CASP10: variants seen among roughly 807,000 people sequenced by gnomAD.
CASP10 encodes caspase-10.
A neutral mutation model predicts 48.5 loss-of-function variants in CASP10; 41 were observed. The ratio of observed to expected loss-of-function variants is 0.85; its 90% CI spans 0.66 to 1.10. The LOEUF (loss-of-function observed/expected upper bound fraction) is 1.10, where lower values mean the gene tolerates loss of function less well. Among genes scored for constraint, CASP10 ranks in the 50% least tolerant of loss-of-function variants. The pLI is 0.00. For missense variants in CASP10, 614 were observed against 614.5 expected (o/e 1.00, Z 0.01); for synonymous variants, 232 against 238.4 (o/e 0.97, Z 0.25).
At chr2:201,225,115 G>T (rs962201558), downstream of CASP10, among the ~76,000 whole-genome samples, 3 of 152,010 alleles carry the variant, frequency 2.0e-5, no homozygotes, top group Non-Finnish European at 2.9e-5. Flanking sequence ...CTTCTTCTAG[G>T]ACCTTCCCTT....
At chr2:201,229,016 C>A in exon 10 of CASP10, 1 of 1,614,208 alleles carries the variant, frequency 6.2e-7, no homozygotes, top group South Asian at 1.1e-5. Flanking sequence ...TCAGCAACCT[C>A]CCTGCCCACG....
chr2:201,221,945 G>A (rs780054488), downstream of CASP10, among the ~76,000 whole-genome samples: 2 of 152,278 alleles, frequency 1.3e-5, no homozygotes, highest in Non-Finnish European at 1.5e-5. Flanking sequence ...TCCGTAGGAG[G>A]GGTACACAGT....
At chr2:201,204,952 A>G (rs967691244) in intron 6 of CASP10, among the ~76,000 whole-genome samples, 3 of 152,200 alleles carry the variant, frequency 2.0e-5, no homozygotes, top group Non-Finnish European at 4.4e-5. Context: ...ACTGACCCTT[A>G]GCAGTAGTTA....
rs746473164 is a variant in CASP10, at chr2:201,208,029, C to A, written c.814-46C>A. ...AGTGGTTGGTTAGAAACATTTAAGG[C>A]CCTAAGATAAGGATTCCTACTAAGT... On this transcript the variant is annotated intron_variant, in intron 7 of 9. Coordinates refer to ENST00000286186, the MANE Select transcript of CASP10 (RefSeq NM_032977.4). 9 of 1,356,372 alleles carry A rather than the reference C, an allele frequency of 6.6e-6. No individual in the cohort carries two copies. In the East Asian group the frequency reaches 1.8e-4, roughly 28 times the overall value. 84.0% of individuals were successfully genotyped at this position (1,356,372 alleles called of 1,614,324 possible). A position where few individuals can be genotyped will look rare whatever the true frequency, so the allele number is the denominator to read the frequency against.
At chr2:201,212,343 T>C (rs896567089) in intron 9 of CASP10, 4 of 152,176 alleles carry the variant, frequency 2.6e-5, no homozygotes, top group African/African-American at 9.7e-5. Flanking sequence ...ACTATAGTGC[T>C]AGAGTGAAGT....
At chr2:201,187,951 AGAT>A (rs1362820299) in intron 3 of CASP10, 152 bp downstream of exon 3, 2 of 697,600 alleles carry the variant, frequency 2.9e-6, no homozygotes, top group Non-Finnish European at 5.2e-6. Flanking sequence ...GGATGAGCCT[AGAT>A]TCTGGTCCTG....
Position 201,193,117 on chromosome 2 carries a change from A to C in CASP10, c.575A>C (p.Lys192Thr). ...AACATAGAGAAATACAAAAGAGAGA[A>C]AGGTAAGTAGCTTGTGATTGCTAAC... is the stretch of plus-strand genomic sequence containing the variant. ...LRNIEKYKREKAIQIVTPPVD... is the reference protein window; with the variant it reads ...LRNIEKYKRETAIQIVTPPVD... Residue 192 changes from lysine to threonine, a missense_variant and splice_region_variant, in exon 4 of 10, where the codon AAA becomes ACA. Coordinates refer to ENST00000286186, the MANE Select transcript of CASP10 (RefSeq NM_032977.4). The C allele has an allele frequency of 6.2e-7, 1 of 1,613,428 alleles. No homozygotes were observed. The highest frequency in any genetic ancestry group is 1.1e-5 in the South Asian group (1 of 91,050).
chr2:201,208,415 C>T, intron 8 of CASP10: 1 of 980,748 alleles, frequency 1.0e-6, no homozygotes, highest in South Asian at 4.7e-5. Flanking sequence ...GGAGAGCCTG[C>T]TGGATTGGCA....
chr2:201,184,539 G>T (rs1449220536), intron 1 of CASP10, among the ~76,000 whole-genome samples: 2 of 152,156 alleles, frequency 1.3e-5, no homozygotes, highest in Non-Finnish European at 2.9e-5. Flanking sequence ...GCCCAGTCTG[G>T]TCTTGAACTC....
chr2:201,214,372 A>G (rs1431368191), intron 9 of CASP10: 1 of 152,108 alleles, frequency 6.6e-6, no homozygotes, highest in Non-Finnish European at 1.5e-5. Context: ...ATTAATATGG[A>G]AATACAGGGT....
chr2:201,209,264 C>A lies in CASP10; in HGVS notation c.1117C>A (p.Pro373Thr). The A allele has an allele frequency of 6.2e-7, 1 of 1,614,172 alleles. No homozygotes were observed. The highest frequency in any genetic ancestry group is 8.5e-7 in the Non-Finnish European group (1 of 1,180,038). Residue 373 changes from proline to threonine, a missense_variant, in exon 9 of 10, where the codon CCC becomes ACC. Physicochemically the swap from Pro to Thr is conservative, Grantham distance 38. Transcript: ENST00000286186. ...CTACTCTTCGGATGAGGCCCTCATT[C>A]CCATTCGGGAGATCATGTCTCACTT... The part of the protein sequence containing the change: ...AVYSSDEALI[P>T]IREIMSHFTA...
At chr2:201,191,639 G>A (rs760649469) in intron 3 of CASP10, among the ~76,000 whole-genome samples, 5 of 152,174 alleles carry the variant, frequency 3.3e-5, no homozygotes, top group Non-Finnish European at 5.9e-5. Context: ...TTGGAAAAGG[G>A]CCTGAACACC....
chr2:201,208,979 T>C, intron 8 of CASP10, 91 bp from the exon 9 acceptor site: 1 of 1,426,262 alleles, frequency 7.0e-7, no homozygotes, highest in African/African-American at 1.4e-5. Context: ...TGCCCGGCCT[T>C]GTTTCAGTTC....
At chr2:201,185,627 C>T (rs577555208) in intron 1 of CASP10, 144 bp from the exon 2 acceptor site, 26 of 661,138 alleles carry the variant, frequency 3.9e-5, no homozygotes, top group East Asian at 3.7e-4. Flanking sequence ...GAAGTAGCCT[C>T]GCCGTAATTT....
At chr2:201,194,087 T>TTGTGTGTGTGTGTGTG (rs139975621) in intron 4 of CASP10, among the ~76,000 whole-genome samples, 2 of 148,364 alleles carry the variant, frequency 1.3e-5, no homozygotes, top group Non-Finnish European at 3.0e-5. Context: ...CTTTATTTTC[T>TTGTGTGTGTGTGTGTG]TGTGTGTGTG....
intron 9 of CASP10, among the ~76,000 whole-genome samples, chr2:201,228,276 A>C (rs2126070079): frequency 6.6e-6 from 1 of 152,316 alleles, no homozygotes; most frequent in Admixed American, 6.5e-5. Flanking sequence ...TGGAGGTTGC[A>C]GTAAGCTGAG....
Position 201,193,094 on chromosome 2 carries a change from CAT to C in CASP10, c.554_555del (p.Ile185ArgfsTer36). 2 of 1,613,782 alleles carry C rather than the reference CAT, an allele frequency of 1.2e-6. No individual in the cohort carries two copies. Among genetic ancestry groups the C allele is most frequent in the East Asian group, 2.2e-5 (1 of 44,862 alleles). On this transcript the variant is annotated frameshift_variant, in exon 4 of 10. Transcript: ENST00000286186. LOFTEE classifies it high-confidence loss of function. ...KTVVPKLLRN[I>X]EKYKREKAIQ... ...CAGTTGTACCTAAACTTTTGAGAAA[CAT>C]AGAGAAATACAAAAGAGAGAAAGGT...
In CASP10 at chr2:201,220,307, C is replaced by A; in HGVS notation, c.*2566C>A. ...AGAAGAGAGTAAAATACAGATAAGA[C>A]AGCTCTGGCATAGAGGGAGGTGGGG... On this transcript the variant is annotated 3_prime_UTR_variant, in exon 10 of 10. Transcript: ENST00000286186. 8.6e-6 allele frequency: 2 copies of A among 232,990 alleles called. No individual in the cohort carries two copies. Among genetic ancestry groups the A allele is most frequent in the Non-Finnish European group, 1.4e-5 (2 of 145,920 alleles). The allele number at this position is 232,990 out of a possible 1,614,324, so 14.4% of individuals were successfully genotyped here.
At position 201,202,773 on chromosome 2, in the gene CASP10, G is replaced by A. The variant is rs576411003; in HGVS notation, c.685-957G>A. On this transcript the variant is annotated intron_variant, in intron 5 of 9. Coordinates refer to ENST00000286186, the MANE Select transcript of CASP10 (RefSeq NM_032977.4). The stretch of plus-strand genomic sequence containing the variant: ...CCTTGGGGGCTTTCTGCTGAAGGCT[G>A]ACGGCTGAGAGTCATAGGGGGAAGG... Among the ~76,000 whole-genome samples, 29 of 152,336 alleles carry A rather than the reference G, an allele frequency of 1.9e-4. No individual in the cohort carries two copies. In the South Asian group the frequency reaches 3.3e-3, roughly 17 times the overall value.
Sources: allele counts gnomAD v4.1 joint callset (sites outside exome capture counted in the v4.1 genomes callset), GRCh38; gene constraint gnomAD v4.1.1; transcripts MANE v1.5; gene names NCBI Gene and HGNC (gene_info 2026-07-23, HGNC 2026-07-21).